The following BANP variants were observed in gnomAD, a reference collection of about 807,000 sequenced individuals.
BANP encodes protein BANP.
A neutral mutation model predicts 68.1 loss-of-function variants in BANP; 11 were observed. The observed-to-expected ratio is 0.16, with a 90% CI of 0.10 to 0.27. The LOEUF (loss-of-function observed/expected upper bound fraction) is 0.27, where lower values mean the gene tolerates loss of function less well. BANP is among the 10% of genes least tolerant of loss of function. The probability of loss-of-function intolerance (pLI) is 1.00; values close to 1 mark genes in which losing one functional copy is unlikely to be tolerated. For synonymous variants in BANP, 329 were observed against 303.2 expected, an observed-to-expected ratio of 1.09 and a Z score of -0.88; for missense variants, 504 against 722.7, an observed-to-expected ratio of 0.70 and a Z score of 3.47.
intron 1 of BANP, among the ~76,000 whole-genome samples, chr16:87,956,049 G>A (rs560396134): frequency 6.6e-6 from 1 of 152,146 alleles, no homozygotes; most frequent in African/African-American, 2.4e-5. Context: ...GGGGCTCCAG[G>A]CACAGGTGCT....
chr16:88,037,937 C>T, intron 10 of BANP, 36 bp from the exon 11 acceptor site: 2 of 1,606,082 alleles, frequency 1.2e-6, no homozygotes, highest in Non-Finnish European at 1.7e-6. Flanking sequence ...TGGTGTGTTT[C>T]TACTCATGAC....
At chr16:88,041,402 G>T (rs1409008287) in intron 11 of BANP, among the ~76,000 whole-genome samples, 1 of 152,176 alleles carries the variant, frequency 6.6e-6, no homozygotes, top group Admixed American at 6.5e-5. Flanking sequence ...CCTGCTGCCA[G>T]GGGACCATTC....
chr16:87,979,799 A>T (rs1468675749), intron 2 of BANP, among the ~76,000 whole-genome samples: 1 of 152,178 alleles, frequency 6.6e-6, no homozygotes, highest in Non-Finnish European at 1.5e-5. Context: ...GTAAATAGTC[A>T]CACACTGGTA....
rs776401502 is a variant in BANP at position 87,975,100 on chromosome 16, A to G, written c.-16A>G. The G allele has an allele frequency of 1.6e-5, 25 of 1,589,740 alleles. No homozygotes were observed. The Admixed American group carries it at 4.1e-4, about 26-fold the overall frequency. On this transcript the variant is annotated 5_prime_UTR_variant, in exon 2 of 14. Transcript: ENST00000682872. Reference sequence around the variant, plus strand: ...TTGAACTCTTTCGTGTTGACCGGCCACTCTCCGTGCTCTGGATGATGTCGG... The same window carrying G: ...TTGAACTCTTTCGTGTTGACCGGCCGCTCTCCGTGCTCTGGATGATGTCGG...
In BANP at chr16:87,951,463, C is replaced by G. The variant is rs1020802552; in HGVS notation, c.-121C>G. Reference sequence around the variant, plus strand: ...CGGCGGCTTCTCTCGCGAGGACGGACGCCATTATCGCATCTCCCCGACAAA... The same window carrying G: ...CGGCGGCTTCTCTCGCGAGGACGGAGGCCATTATCGCATCTCCCCGACAAA... On this transcript the variant is annotated 5_prime_UTR_variant, in exon 1 of 14. Coordinates refer to ENST00000682872, the MANE Select transcript of BANP (RefSeq NM_001386991.1). 2.0e-5 allele frequency: 3 copies of G among 152,136 alleles called. No individual in the cohort carries two copies. The highest frequency in any genetic ancestry group is 4.4e-5 in the Non-Finnish European group (3 of 67,898). The allele number at this position is 152,136 out of a possible 1,614,324, so 9.4% of individuals were successfully genotyped here. A position where few individuals can be genotyped will look rare whatever the true frequency, so the allele number is the denominator to read the frequency against.
chr16:88,020,399 TCCA>T (rs2075785227), intron 7 of BANP, among the ~76,000 whole-genome samples: 1 of 152,228 alleles, frequency 6.6e-6, no homozygotes. Context: ...GTGATGTGCT[TCCA>T]GCTTGAAACC....
chr16:88,015,715 C>T (rs1029993719), intron 6 of BANP, among the ~76,000 whole-genome samples: 19 of 152,368 alleles, frequency 1.2e-4, no homozygotes, highest in African/African-American at 4.3e-4. Flanking sequence ...CGAGGTCTCG[C>T]GCTCCAGGAG....
chr16:88,033,561 C>T (rs1373734439), intron 9 of BANP, among the ~76,000 whole-genome samples: 1 of 152,170 alleles, frequency 6.6e-6, no homozygotes, highest in African/African-American at 2.4e-5. Context: ...GGTCCCTGCC[C>T]CAGCTCGTGC....
At chr16:87,983,341 C>T (rs1414460575) in intron 3 of BANP, among the ~76,000 whole-genome samples, 1 of 152,198 alleles carries the variant, frequency 6.6e-6, no homozygotes, top group East Asian at 1.9e-4. Flanking sequence ...GTGTGATTAA[C>T]ACGTTTCCAC....
At chr16:88,029,983 G>A (rs901408018) in intron 8 of BANP, among the ~76,000 whole-genome samples, 1 of 152,236 alleles carries the variant, frequency 6.6e-6, no homozygotes, top group African/African-American at 2.4e-5. Flanking sequence ...CTCACCCCAG[G>A]CTGGGTGGTG....
intron 1 of BANP, among the ~76,000 whole-genome samples, chr16:87,969,559 G>A (rs2060734967): frequency 7.0e-6 from 1 of 142,284 alleles, no homozygotes; most frequent in South Asian, 2.2e-4. Flanking sequence ...TTGAGACAGA[G>A]TCTCCCCCTG....
At chr16:88,020,718 C>T (rs1259921247) in intron 7 of BANP, among the ~76,000 whole-genome samples, 1 of 152,186 alleles carries the variant, frequency 6.6e-6, no homozygotes, top group Non-Finnish European at 1.5e-5. Flanking sequence ...GTGAGGAGTC[C>T]CTGCTCCTCG....
chr16:88,074,614 A>C lies in BANP; in HGVS notation c.1522-1976A>C, dbSNP rs557683239. Among the ~76,000 whole-genome samples the C allele has an allele frequency of 1.5e-4, 23 of 151,764 alleles. 1 individual carries two copies. Among genetic ancestry groups the C allele is most frequent in the Middle Eastern group, 6.8e-3 (2 of 294 alleles). On this transcript the variant is annotated intron_variant, in intron 13 of 13. Coordinates refer to ENST00000682872, the MANE Select transcript of BANP (RefSeq NM_001386991.1). The stretch of plus-strand genomic sequence containing the variant: ...CCCAGCCAGCCCAGACCTGTGCCCC[A>C]CTGTCCCCACCCACCCAAGTCCCCA...
intron 1 of BANP, chr16:87,952,234 T>C (rs778092569): frequency 3.9e-5 from 6 of 152,262 alleles, no homozygotes; most frequent in Non-Finnish European, 7.3e-5. Context: ...ATTGGAGAGA[T>C]TGCCTTGATA....
At chr16:87,992,802 A>AC (rs60335200) in intron 4 of BANP, among the ~76,000 whole-genome samples, 3 of 151,614 alleles carry the variant, frequency 2.0e-5, no homozygotes, top group Non-Finnish European at 2.9e-5. Flanking sequence ...AAAAAAAAAA[A>AC]CACTTCAATA....
At position 87,957,969 on chromosome 16, in the gene BANP, C is replaced by T. The variant is rs1025144082; in HGVS notation, c.-69+6454C>T. 1.3e-5 allele frequency among the ~76,000 whole-genome samples: 2 copies of T among 152,162 alleles called. No homozygotes were observed. The highest frequency in any genetic ancestry group is 2.9e-5 in the Non-Finnish European group (2 of 68,038). ...TGAGCAGAGTGCTGCCGCTGCCAGT[C>T]TGCGTTTTCTGCCGAAATGCGTCCC... On this transcript the variant is annotated intron_variant, in intron 1 of 13. Coordinates refer to ENST00000682872, the MANE Select transcript of BANP (RefSeq NM_001386991.1). This position sits in a 1 kb window ranked among gnomAD's most constrained non-coding sequence, Gnocchi z 4.3.
chr16:88,049,066 G>T (rs1039152655), intron 11 of BANP, among the ~76,000 whole-genome samples: 3 of 151,976 alleles, frequency 2.0e-5, no homozygotes, highest in African/African-American at 7.3e-5. Context: ...GTTTTTTCTG[G>T]ACACAGCAAG....
intron 1 of BANP, among the ~76,000 whole-genome samples, chr16:87,968,484 C>CAAAAAA (rs67671706): frequency 8.5e-5 from 11 of 128,696 alleles, no homozygotes; most frequent in East Asian, 4.6e-4. Flanking sequence ...AACTCTGTCT[C>CAAAAAA]AAAAAAAAAA....
At chr16:87,992,692 G>A (rs1216453997) in intron 4 of BANP, among the ~76,000 whole-genome samples, 1 of 151,764 alleles carries the variant, frequency 6.6e-6, no homozygotes, top group East Asian at 1.9e-4. Context: ...TACTCAGGAG[G>A]TTGGGGCAGG....
Sources: gnomAD v4.1 joint callset for allele counts (sites outside exome capture counted in the v4.1 genomes callset) on GRCh38, gnomAD v4.1.1 for gene constraint, Gnocchi (gnomAD v3.1) non-coding constraint, MANE v1.5 for transcripts, NCBI Gene and HGNC (gene_info 2026-07-23, HGNC 2026-07-21) for gene names.